Variants in ANLN observed in about 807,000 individuals in gnomAD.
ANLN encodes the protein anillin.
ANLN carries 59 observed loss-of-function variants against 135.1 expected under a neutral mutation model. The ratio of observed to expected loss-of-function variants is 0.44; its 90% CI spans 0.35 to 0.54. The LOEUF (loss-of-function observed/expected upper bound fraction) is 0.54. Among genes scored for constraint, ANLN ranks in the 20% least tolerant of loss-of-function variants. ANLN has a pLI of 0.00. For synonymous variants in ANLN, 406 were observed against 456.4 expected (o/e 0.89, Z 1.41); for missense variants, 1,182 against 1,340.0 (o/e 0.88, Z 1.84).
rs1299518539 is a variant in ANLN at position 36,452,705 on chromosome 7, G to A, written c.*105G>A. On this transcript the variant is annotated 3_prime_UTR_variant, in exon 24 of 24. Transcript: ENST00000265748. ...GCATTTTATGCTTTAAGTACGAAAG[G>A]GTTTGTGCCAATATTCACTACGTAT... is the stretch of plus-strand genomic sequence containing the variant. 1 of 1,373,522 alleles carries A rather than the reference G, an allele frequency of 7.3e-7. No homozygotes were observed. Among genetic ancestry groups the A allele is most frequent in the Non-Finnish European group, 1.0e-6 (1 of 996,868 alleles). The allele number at this position is 1,373,522 out of a possible 1,614,324, so 85.1% of individuals were successfully genotyped here. A position where few individuals can be genotyped will look rare whatever the true frequency, so the allele number is the denominator to read the frequency against.
At chr7:36,451,700 A>G (rs1389612157) in intron 23 of ANLN, among the ~76,000 whole-genome samples, 1 of 152,192 alleles carries the variant, frequency 6.6e-6, no homozygotes, top group Non-Finnish European at 1.5e-5. Context: ...TCACTTATTC[A>G]TGTTTACACC....
rs1220549717 is a variant in ANLN at position 36,407,948 on chromosome 7, C to T, written c.1088C>T (p.Thr363Met). ...CLQSQSKDKS[T>M]TPGGTGIKPF... is the part of the protein sequence containing the mutation. ...CAATCTCAATCTAAAGACAAATCTA[C>T]GACACCAGGTTACGTATTTATAAAA... is the stretch of plus-strand genomic sequence containing the variant. Residue 363 changes from threonine to methionine, a missense_variant, in exon 5 of 24, where the codon ACG (threonine) becomes ATG (methionine). Coordinates refer to ENST00000265748, the MANE Select transcript of ANLN (RefSeq NM_018685.5). 2.5e-6 allele frequency: 4 copies of T among 1,611,516 alleles called. No individual in the cohort carries two copies. Among genetic ancestry groups the T allele is most frequent in the Non-Finnish European group, 3.4e-6 (4 of 1,178,212 alleles).
rs1471612852 is a variant in ANLN, at chr7:36,452,925, G to A, written c.*325G>A. The A allele has an allele frequency of 5.6e-6, 1 of 177,494 alleles. No individual in the cohort carries two copies. Among genetic ancestry groups the A allele is most frequent in the Non-Finnish European group, 1.2e-5 (1 of 83,862 alleles). 11.0% of individuals were successfully genotyped at this position (177,494 alleles called of 1,614,324 possible). On this transcript the variant is annotated 3_prime_UTR_variant, in exon 24 of 24. Coordinates refer to ENST00000265748, the MANE Select transcript of ANLN (RefSeq NM_018685.5). ...AGAAATTCTGAGTTGTCTTCTTGGA[G>A]CTGTAGGTCTTGAAGCAGCAACGTC...
At chr7:36,390,097 C>T (rs1430644554) in intron 1 of ANLN, 53 bp downstream of exon 1, 2 of 1,611,954 alleles carry the variant, frequency 1.2e-6, no homozygotes, top group Admixed American at 3.3e-5. Flanking sequence ...TAGGCCCCCA[C>T]CCACCTTCCT....
chr7:36,406,017 T>C (rs1787172374), intron 3 of ANLN, among the ~76,000 whole-genome samples, 164 bp from the exon 4 acceptor site: 1 of 152,220 alleles, frequency 6.6e-6, no homozygotes, highest in Non-Finnish European at 1.5e-5. Context: ...TAAAAAGATA[T>C]TGTCAAATTT....
intron 12 of ANLN, 33 bp downstream of exon 12, chr7:36,420,777 G>GGGGC: frequency 6.2e-7 from 1 of 1,610,696 alleles, no homozygotes; most frequent in East Asian, 2.2e-5. Context: ...GCTTTGGAAT[G>GGGGC]TTTCTTGCAC....
intron 2 of ANLN, among the ~76,000 whole-genome samples, chr7:36,398,771 G>A (rs1330810379): frequency 2.0e-5 from 3 of 149,056 alleles, no homozygotes; most frequent in Admixed American, 6.7e-5. Context: ...CCCCCCTTCC[G>A]CTCTTCCCCC....
At chr7:36,396,496 G>C (rs1786706147) in intron 2 of ANLN, 77 bp downstream of exon 2, 1 of 1,395,994 alleles carries the variant, frequency 7.2e-7, no homozygotes, top group African/African-American at 1.4e-5. Context: ...CATTTCATTA[G>C]CATATAGAAG....
chr7:36,452,451 A>T lies in ANLN; in HGVS notation c.3252-26A>T, dbSNP rs530909639. 2.5e-6 allele frequency: 4 copies of T among 1,613,528 alleles called. No individual in the cohort carries two copies. The South Asian group carries it at 3.3e-5, about 13-fold the overall frequency. ...ATGGAATGGAGGGAGAAGAATTCTG[A>T]CCTCTTTGGTTGTTTGTTCCTGTAG... is the stretch of plus-strand genomic sequence containing the variant. On this transcript the variant is annotated intron_variant, in intron 23 of 23. Transcript: ENST00000265748.
Position 36,406,658 on chromosome 7 carries a change from G to A in ANLN, c.873+92G>A, listed in dbSNP as rs985556098. 5.4e-5 allele frequency: 63 copies of A among 1,157,868 alleles called. No individual in the cohort carries two copies. In the Admixed American group the frequency reaches 1.1e-3, roughly 19 times the overall value. The allele number at this position is 1,157,868 out of a possible 1,614,324, so 71.7% of individuals were successfully genotyped here. Reference sequence around the variant, plus strand: ...TGTGTGTATGTGCAGGTGGATGGGTGGATATATGTTTTATAATAGATGCAT... The same window carrying A: ...TGTGTGTATGTGCAGGTGGATGGGTAGATATATGTTTTATAATAGATGCAT... On this transcript the variant is annotated intron_variant, in intron 4 of 23. Transcript: ENST00000265748.
chr7:36,391,496 A>G (rs1445780782), intron 1 of ANLN, among the ~76,000 whole-genome samples: 1 of 152,236 alleles, frequency 6.6e-6, no homozygotes, highest in East Asian at 1.9e-4. Flanking sequence ...TATGGTTTAT[A>G]TTATGAAAAG....
At chr7:36,448,171 G>A (rs925711759) in intron 22 of ANLN, among the ~76,000 whole-genome samples, 4 of 151,878 alleles carry the variant, frequency 2.6e-5, no homozygotes, top group Non-Finnish European at 4.4e-5. Flanking sequence ...GCGCCACCAC[G>A]CACGGCTAGT....
chr7:36,424,976 A>G (rs1175597161), intron 17 of ANLN, among the ~76,000 whole-genome samples: 3 of 152,146 alleles, frequency 2.0e-5, no homozygotes, highest in Non-Finnish European at 4.4e-5. Flanking sequence ...TATTTTCTCT[A>G]CATTTACTTG....
At chr7:36,426,434 T>C (rs2041632) in intron 19 of ANLN, among the ~76,000 whole-genome samples, 76,338 of 152,074 alleles carry the variant, frequency 0.5, 19,502 homozygotes, top group East Asian at 0.64. Flanking sequence ...ACTGGAATGC[T>C]GTTAAGCCAG....
chr7:36,424,542 C>T lies in ANLN; in HGVS notation c.2604-3C>T, dbSNP rs1788003040. On this transcript the variant is annotated splice_region_variant and splice_polypyrimidine_tract_variant and intron_variant, in intron 15 of 23. Transcript: ENST00000265748. The stretch of plus-strand genomic sequence containing the variant: ...GGTTTTACTTAATGCTTTATTTTTC[C>T]AGGCAAGATGTATCCAATGACTTTG... 2 of 1,586,900 alleles carry T rather than the reference C, an allele frequency of 1.3e-6. No individual in the cohort carries two copies. The highest frequency in any genetic ancestry group is 8.6e-7 in the Non-Finnish European group (1 of 1,165,354).
chr7:36,428,240 C>T, intron 20 of ANLN: 1 of 774,194 alleles, frequency 1.3e-6, no homozygotes, highest in Non-Finnish European at 1.7e-6. Flanking sequence ...TTTAGTAATT[C>T]AGCTACTTTA....
chr7:36,391,540 C>T (rs1054404696), intron 1 of ANLN, among the ~76,000 whole-genome samples: 1 of 152,274 alleles, frequency 6.6e-6, no homozygotes, highest in East Asian at 1.9e-4. Context: ...ACAGCTTAGA[C>T]GTCTTTTCCT....
At chr7:36,418,097 G>A (rs550222235) in intron 9 of ANLN, among the ~76,000 whole-genome samples, 1 of 152,296 alleles carries the variant, frequency 6.6e-6, no homozygotes, top group African/African-American at 2.4e-5. Context: ...TTATTTTAAA[G>A]GATATGGGTG....
At chr7:36,427,363 T>G (rs767618589) in intron 20 of ANLN, among the ~76,000 whole-genome samples, 2 of 149,970 alleles carry the variant, frequency 1.3e-5, no homozygotes, top group Non-Finnish European at 3.0e-5. Flanking sequence ...TTCTTTGTGG[T>G]TTTTTTTGTT....
Sources: allele counts gnomAD v4.1 joint callset (sites outside exome capture counted in the v4.1 genomes callset), GRCh38; gene constraint gnomAD v4.1.1; transcripts MANE v1.5; gene names NCBI Gene and HGNC (gene_info 2026-07-23, HGNC 2026-07-21).